TPGS2: variants seen among roughly 807,000 people sequenced by gnomAD.
TPGS2 encodes the protein tubulin polyglutamylase complex subunit 2.
In TPGS2, 26 loss-of-function variants were observed where a neutral mutation model predicts 31.1. The ratio of observed to expected loss-of-function variants is 0.84; its 90% CI spans 0.61 to 1.16. The LOEUF is 1.16. Ranked by LOEUF, TPGS2 falls within the 50% of genes most tolerant of loss-of-function variation. TPGS2 has a pLI of 0.00. For missense variants in TPGS2, 351 were observed against 363.8 expected (o/e 0.96, Z 0.29); for synonymous variants, 130 against 136.6 (o/e 0.95, Z 0.34).
At chr18:36,789,682 T>C (rs1254468928), downstream of TPGS2, 1 of 152,202 alleles carries the variant, frequency 6.6e-6, no homozygotes, top group Non-Finnish European at 1.5e-5. Context: ...TCATCTTGAA[T>C]TGTGGCTCCC....
rs115730311 is a variant in TPGS2 at position 36,799,272 on chromosome 18, A to G, written c.497-663T>C. Among the ~76,000 whole-genome samples the G allele has an allele frequency of 5.8e-3, 879 of 152,272 alleles. 11 individuals carry two copies. The highest frequency in any genetic ancestry group is 0.02 in the African/African-American group (815 of 41,544). On this transcript the variant is annotated intron_variant, in intron 5 of 6. Transcript: ENST00000334295. ...TAGTCATGATCCCTGCCATTTTACT[A>G]AACAACCTTCATTAGCTCCCCACTG...
rs753145979 is a variant in TPGS2, at chr18:36,796,986, G to T, written c.722C>A (p.Ser241Tyr). 15 of 1,602,382 alleles carry T rather than the reference G, an allele frequency of 9.4e-6. No individual in the cohort carries two copies. The highest frequency in any genetic ancestry group is 1.3e-5 in the Non-Finnish European group (15 of 1,176,718). Residue 241 changes from serine (S) to tyrosine (Y), a missense_variant, in exon 7 of 7, where the codon TCC becomes TAC. Physicochemically the swap from Ser to Tyr is moderately radical, Grantham distance 144 (BLOSUM62 -2). Coordinates refer to ENST00000334295, the MANE Select transcript of TPGS2 (RefSeq NM_015476.4). ...NTNLLTEETD[S>Y]FVNKLDPSKV... ...GCTGGGATCTAGCTTATTCACAAAG[G>T]AGTCGGTCTCTTCTGTGAGCAGGTT...
chr18:36,824,807 T>C (rs1038300100), intron 1 of TPGS2, among the ~76,000 whole-genome samples: 7 of 152,256 alleles, frequency 4.6e-5, no homozygotes, highest in African/African-American at 1.7e-4. Flanking sequence ...GATTGTTTTG[T>C]CACTTTCTTG....
intron 3 of TPGS2, 101 bp downstream of exon 3, chr18:36,807,746 A>C (rs902080895): frequency 9.2e-7 from 1 of 1,084,128 alleles, no homozygotes; most frequent in Non-Finnish European, 1.4e-6. Flanking sequence ...CACCCATGAA[A>C]ACCATCCAGA....
chr18:36,818,133 T>A (rs2045738015), intron 2 of TPGS2, among the ~76,000 whole-genome samples: 1 of 152,176 alleles, frequency 6.6e-6, no homozygotes, highest in African/African-American at 2.4e-5. Context: ...TCTTGAAGCT[T>A]TCATAGAGGC....
In TPGS2 at chr18:36,797,027, A is replaced by G; in HGVS notation, c.681T>C (p.Pro227=). Residue 227 remains proline, a synonymous_variant, in exon 7 of 7, where the codon CCT becomes CCC. Transcript: ENST00000334295. The part of the protein sequence containing the change: ...QAKQWFSMYK[P]ITYNTNLLTE... ...TGAGCAGGTTTGTGTTGTAGGTGAT[A>G]GGTTTATACATGCTGAACCATTGCT... 1 of 1,594,260 alleles carries G rather than the reference A, an allele frequency of 6.3e-7. No individual in the cohort carries two copies. Among genetic ancestry groups the G allele is most frequent in the Non-Finnish European group, 8.5e-7 (1 of 1,174,268 alleles).
Position 36,794,737 on chromosome 18 carries a change from T to C in TPGS2, c.*2068A>G, listed in dbSNP as rs2044441739. 2 of 985,182 alleles carry C rather than the reference T, an allele frequency of 2.0e-6. No homozygotes were observed. The highest frequency in any genetic ancestry group is 6.2e-5 in the Admixed American group (1 of 16,246). 61.0% of individuals were successfully genotyped at this position (985,182 alleles called of 1,614,324 possible). A position where few individuals can be genotyped will look rare whatever the true frequency, so the allele number is the denominator to read the frequency against. ...TCCTTTTCTGCCACTCCATGAATTG[T>C]TGCACATTTATAAATCCTTGAAGTA... On this transcript the variant is annotated 3_prime_UTR_variant, in exon 7 of 7. Coordinates refer to ENST00000334295, the MANE Select transcript of TPGS2 (RefSeq NM_015476.4).
At chr18:36,793,898 C>T (rs1003280096), downstream of TPGS2, among the ~76,000 whole-genome samples, 46 of 152,030 alleles carry the variant, frequency 3.0e-4, no homozygotes, top group African/African-American at 1.1e-3. Flanking sequence ...CCACCACGCC[C>T]GGCTAATTTT....
At chr18:36,797,286 G>A (rs570272703) in intron 6 of TPGS2, among the ~76,000 whole-genome samples, 62 of 152,112 alleles carry the variant, frequency 4.1e-4, no homozygotes, top group Non-Finnish European at 5.0e-4. Flanking sequence ...GATAAATGCA[G>A]TATGAAAACT....
At chr18:36,805,273 T>A in intron 4 of TPGS2, 101 bp downstream of exon 4, 1 of 1,378,552 alleles carries the variant, frequency 7.3e-7, no homozygotes, top group Non-Finnish European at 1.0e-6. Flanking sequence ...GGTTTAATCT[T>A]TAACATTCAT....
At chr18:36,827,580 G>C (rs1376955147) in intron 1 of TPGS2, among the ~76,000 whole-genome samples, 3 of 152,254 alleles carry the variant, frequency 2.0e-5, no homozygotes, top group African/African-American at 7.2e-5. Flanking sequence ...AGATCTTACA[G>C]GGACTTGTGG....
At position 36,818,966 on chromosome 18, in the gene TPGS2, GGA is replaced by G. The variant is rs753041729; in HGVS notation, c.91_92del (p.Ser31ProfsTer5). ...TGATGGTCACCTCAGTCACACCTGG[GGA>G]AGATTCTGGAAGAGAAAAAAGAGTC... ...TLGITRILES[S>X]PGVTEVTIIE... On this transcript the variant is annotated frameshift_variant, in exon 2 of 7. Transcript: ENST00000334295. LOFTEE classifies it high-confidence loss of function. 1 of 1,612,548 alleles carries G rather than the reference GGA, an allele frequency of 6.2e-7. No individual in the cohort carries two copies. The highest frequency in any genetic ancestry group is 1.7e-5 in the Admixed American group (1 of 59,726).
chr18:36,818,857 C>A, intron 2 of TPGS2, 37 bp downstream of exon 2: 1 of 1,580,642 alleles, frequency 6.3e-7, no homozygotes, highest in Non-Finnish European at 8.7e-7. Context: ...ACTGACCTCT[C>A]TTTGATGGGA....
At chr18:36,807,305 G>A (rs1279319913) in intron 3 of TPGS2, among the ~76,000 whole-genome samples, 1 of 152,198 alleles carries the variant, frequency 6.6e-6, no homozygotes, top group Non-Finnish European at 1.5e-5. Context: ...ACACAAAAAT[G>A]TTTTGTCCTA....
intron 2 of TPGS2, among the ~76,000 whole-genome samples, chr18:36,814,415 G>A (rs989945875): frequency 6.6e-6 from 1 of 152,146 alleles, no homozygotes; most frequent in Non-Finnish European, 1.5e-5. Context: ...ATGGAAAAAG[G>A]TTGTTCATAT....
intron 2 of TPGS2, among the ~76,000 whole-genome samples, chr18:36,816,923 C>T (rs1250746923): frequency 1.3e-5 from 2 of 152,168 alleles, no homozygotes; most frequent in East Asian, 1.9e-4. Context: ...TCTACTAATA[C>T]CTAAAGGGCT....
At position 36,794,613 on chromosome 18, in the gene TPGS2, C is replaced by T; in HGVS notation, c.*2192G>A. The T allele has an allele frequency of 1.0e-6, 1 of 985,400 alleles. No homozygotes were observed. The highest frequency in any genetic ancestry group is 1.2e-6 in the Non-Finnish European group (1 of 829,922). The allele number at this position is 985,400 out of a possible 1,614,324, so 61.0% of individuals were successfully genotyped here. A position where few individuals can be genotyped will look rare whatever the true frequency, so the allele number is the denominator to read the frequency against. On this transcript the variant is annotated 3_prime_UTR_variant, in exon 7 of 7. Transcript: ENST00000334295. ...GCAGCCAAATGCTAGAATCTCCTATCCAGTGCCGTTGGCTCTTCCTTTGAT... is the reference window on the plus strand; with the variant it reads ...GCAGCCAAATGCTAGAATCTCCTATTCAGTGCCGTTGGCTCTTCCTTTGAT...
At position 36,823,769 on chromosome 18, in the gene TPGS2, T is replaced by C. The variant is rs972655411; in HGVS notation, c.86-4796A>G. 1.3e-5 allele frequency: 13 copies of C among 966,848 alleles called. No individual in the cohort carries two copies. In the African/African-American group the frequency reaches 2.3e-4, roughly 17 times the overall value. The allele number at this position is 966,848 out of a possible 1,614,324, so 59.9% of individuals were successfully genotyped here. ...GCCACCGCGCCCGGCCAACAGCTTG[T>C]TTTAAAGGGCTTATGTGATTAGATT... On this transcript the variant is annotated intron_variant, in intron 1 of 6. Transcript: ENST00000334295.
chr18:36,818,502 G>C (rs59637434), intron 2 of TPGS2: 1 of 156,456 alleles, frequency 6.4e-6, no homozygotes, highest in Admixed American at 6.4e-5. Flanking sequence ...TTGAATAAAC[G>C]AATTGAAGTT....
Sources: gnomAD v4.1 joint callset for allele counts (sites outside exome capture counted in the v4.1 genomes callset) on GRCh38, gnomAD v4.1.1 for gene constraint, MANE v1.5 for transcripts, NCBI Gene and HGNC (gene_info 2026-07-23, HGNC 2026-07-21) for gene names.